The following BCL2L13 variants were observed in gnomAD, a reference collection of about 807,000 sequenced individuals.
BCL2L13 encodes the protein BCL2 like 13.
In BCL2L13, 13 loss-of-function variants were observed where a neutral mutation model predicts 25.8. That is an observed-to-expected ratio of 0.50 (90% confidence interval 0.33 to 0.80). The LOEUF (loss-of-function observed/expected upper bound fraction) is 0.80, where lower values mean the gene tolerates loss of function less well. BCL2L13 is among the 30% of genes least tolerant of loss of function. The probability of loss-of-function intolerance (pLI) is 0.02; values close to 1 mark genes in which losing one functional copy is unlikely to be tolerated. For synonymous variants in BCL2L13, 244 were observed against 230.3 expected (o/e 1.06, Z -0.54); for missense variants, 504 against 574.9 (o/e 0.88, Z 1.26).
At chr22:17,652,339 C>A (rs889825901) in intron 1 of BCL2L13, among the ~76,000 whole-genome samples, 1 of 152,136 alleles carries the variant, frequency 6.6e-6, no homozygotes, top group African/African-American at 2.4e-5. Context: ...TTCCCAGCCA[C>A]ACATTAAGCA....
intron 1 of BCL2L13, among the ~76,000 whole-genome samples, chr22:17,631,658 A>ATG (rs77231205): frequency 0.068 from 2,586 of 38,134 alleles, 238 homozygotes; most frequent in Middle Eastern, 0.11. Flanking sequence ...GTGTGTATGT[A>ATG]TGTGTGTGTG....
intron 6 of BCL2L13, among the ~76,000 whole-genome samples, chr22:17,711,881 C>T (rs571537543): frequency 1.2e-4 from 18 of 152,072 alleles, no homozygotes; most frequent in Non-Finnish European, 2.5e-4. Context: ...GGCATGAAAA[C>T]AGATTACAAA....
Position 17,655,754 on chromosome 22 carries a change from A to G in BCL2L13, c.43A>G (p.Thr15Ala), listed in dbSNP as rs781281597. The change falls in exon 2 of 7, where the codon ACA (threonine) becomes GCA (alanine). Residue 15 changes from threonine (T) to alanine (A), a missense_variant. Thr to Ala is a moderately conservative substitution (Grantham distance 58). Transcript: ENST00000317582. ...TGTGCCTCTGGGATTTCACTATGAAACAAAGTATGTTGTTCTCAGCTACTT... is the reference window on the plus strand; with the variant it reads ...TGTGCCTCTGGGATTTCACTATGAAGCAAAGTATGTTGTTCTCAGCTACTT... ...STVPLGFHYE[T>A]KYVVLSYLGL... 2.2e-5 allele frequency: 35 copies of G among 1,613,774 alleles called. No individual in the cohort carries two copies. The highest frequency in any genetic ancestry group is 2.6e-5 in the Non-Finnish European group (31 of 1,179,826).
At chr22:17,669,356 T>A (rs2059346080) in intron 2 of BCL2L13, among the ~76,000 whole-genome samples, 1 of 152,192 alleles carries the variant, frequency 6.6e-6, no homozygotes, top group South Asian at 2.1e-4. Context: ...TCAGGCTGTT[T>A]AAGAAGCATG....
chr22:17,633,878 T>C (rs2058066213), upstream of BCL2L13, among the ~76,000 whole-genome samples: 2 of 152,036 alleles, frequency 1.3e-5, no homozygotes, highest in Non-Finnish European at 2.9e-5. Context: ...TTCTGCTTGC[T>C]CCTGAAGCCT....
At chr22:17,711,470 G>T (rs1190783755) in intron 6 of BCL2L13, among the ~76,000 whole-genome samples, 1 of 151,686 alleles carries the variant, frequency 6.6e-6, no homozygotes, top group African/African-American at 2.4e-5. Context: ...ACTAATTTTT[G>T]TATGTTTTTG....
At chr22:17,644,627 A>G (rs1183160330) in intron 1 of BCL2L13, among the ~76,000 whole-genome samples, 3 of 151,076 alleles carry the variant, frequency 2.0e-5, no homozygotes, top group Non-Finnish European at 4.4e-5. Context: ...ACCACGCCCG[A>G]CTGCATTTAA....
At chr22:17,670,756 T>C (rs912528542) in intron 2 of BCL2L13, among the ~76,000 whole-genome samples, 6 of 152,216 alleles carry the variant, frequency 3.9e-5, no homozygotes, top group African/African-American at 7.2e-5. Context: ...TTCATTCTTA[T>C]CTTAGCTTTT....
At chr22:17,672,221 C>G (rs150528717) in intron 2 of BCL2L13, among the ~76,000 whole-genome samples, 5 of 152,304 alleles carry the variant, frequency 3.3e-5, no homozygotes, top group Middle Eastern at 3.4e-3. Context: ...TACCCTAGAC[C>G]TACAGGACCA....
At chr22:17,710,436 C>T (rs1050058383) in intron 6 of BCL2L13, among the ~76,000 whole-genome samples, 2 of 151,630 alleles carry the variant, frequency 1.3e-5, no homozygotes, top group Admixed American at 6.6e-5. Context: ...AAAAATTCTC[C>T]GGGCATGGTG....
At chr22:17,706,724 T>C in intron 6 of BCL2L13, 4 of 1,351,966 alleles carry the variant, frequency 3.0e-6, no homozygotes, top group East Asian at 4.6e-5. Flanking sequence ...CCCTGAGTCA[T>C]CCTTGCTCCC....
intron 2 of BCL2L13, 52 bp from the exon 3 acceptor site, chr22:17,683,162 C>A: frequency 7.3e-6 from 7 of 962,648 alleles, no homozygotes; most frequent in African/African-American, 1.7e-5. Context: ...CTATTATATT[C>A]TAATGGTTTC....
At chr22:17,651,924 G>A (rs1015791188) in intron 1 of BCL2L13, among the ~76,000 whole-genome samples, 1 of 151,838 alleles carries the variant, frequency 6.6e-6, no homozygotes, top group East Asian at 1.9e-4. Context: ...TTTCCTGATT[G>A]CGTGATCCAC....
chr22:17,713,091 C>T (rs932094931), intron 6 of BCL2L13, among the ~76,000 whole-genome samples: 2 of 152,076 alleles, frequency 1.3e-5, no homozygotes, highest in Non-Finnish European at 2.9e-5. Flanking sequence ...TGGGTCCTAC[C>T]TTTATTAAGG....
chr22:17,714,050 T>A (rs1286007417), intron 6 of BCL2L13, among the ~76,000 whole-genome samples: 1 of 150,124 alleles, frequency 6.7e-6, no homozygotes, highest in East Asian at 2.0e-4. Flanking sequence ...TCCCAGCACT[T>A]TGGGAGGCCG....
chr22:17,631,950 G>C (rs1601422471), intron 1 of BCL2L13, among the ~76,000 whole-genome samples: 1 of 151,680 alleles, frequency 6.6e-6, no homozygotes, highest in East Asian at 1.9e-4. Flanking sequence ...TCGAACTCCT[G>C]ACCTCGTGAT....
chr22:17,729,377 A>G lies in BCL2L13; in HGVS notation c.*1843A>G, dbSNP rs2061366339. The G allele has an allele frequency of 6.6e-6, 1 of 152,142 alleles. No homozygotes were observed. The highest frequency in any genetic ancestry group is 1.5e-5 in the Non-Finnish European group (1 of 68,036). The allele number at this position is 152,142 out of a possible 1,614,324, so 9.4% of individuals were successfully genotyped here. On this transcript the variant is annotated 3_prime_UTR_variant, in exon 7 of 7. Coordinates refer to ENST00000317582, the MANE Select transcript of BCL2L13 (RefSeq NM_015367.4). ...AGAGGTGAGTGGGGGGAATGGGATT[A>G]TTGAGGCAATGATTTTTTTCTTCAT...
At chr22:17,680,764 C>T (rs1331465653) in intron 2 of BCL2L13, among the ~76,000 whole-genome samples, 1 of 151,994 alleles carries the variant, frequency 6.6e-6, no homozygotes, top group Non-Finnish European at 1.5e-5. Flanking sequence ...AAGCGTCTTT[C>T]TGGGTGGTGA....
chr22:17,646,888 TTGTGTGTGTGTG>T (rs71201853), intron 1 of BCL2L13, among the ~76,000 whole-genome samples: 5 of 89,920 alleles, frequency 5.6e-5, no homozygotes, highest in South Asian at 5.0e-4. Context: ...CCCAGCTAAT[TTGTGTGTGTGTG>T]TGTGTGTGTG....
Sources: allele counts gnomAD v4.1 joint callset (sites outside exome capture counted in the v4.1 genomes callset), GRCh38; gene constraint gnomAD v4.1.1; transcripts MANE v1.5; gene names NCBI Gene and HGNC (gene_info 2026-07-23, HGNC 2026-07-21).